ZMAT4: variants seen among roughly 807,000 people sequenced by gnomAD.
The protein encoded by ZMAT4 is zinc finger matrin-type protein 4.
ZMAT4 carries 17 observed loss-of-function variants against 28.7 expected under a neutral mutation model. That is an observed-to-expected ratio of 0.59 (90% CI 0.41 to 0.89). ZMAT4 has a LOEUF of 0.89. Among genes scored for constraint, ZMAT4 ranks in the 40% least tolerant of loss-of-function variants. The pLI, the probability that ZMAT4 is intolerant of heterozygous loss-of-function variation, is 0.00. For missense variants in ZMAT4, 240 were observed against 283.8 expected (o/e 0.85, Z 1.11); for synonymous variants, 117 against 109.2 (o/e 1.07, Z -0.44).
At chr8:40,868,099 T>C (rs1817734683) in intron 1 of ZMAT4, among the ~76,000 whole-genome samples, 1 of 152,174 alleles carries the variant, frequency 6.6e-6, no homozygotes, top group Non-Finnish European at 1.5e-5. Context: ...ATATATGATA[T>C]ATAAATAACA....
chr8:40,665,747 G>C (rs931686859), intron 5 of ZMAT4, among the ~76,000 whole-genome samples: 7 of 152,146 alleles, frequency 4.6e-5, no homozygotes, highest in African/African-American at 7.2e-5. Flanking sequence ...GGTGGTCAAT[G>C]ATGAATCACC....
chr8:40,537,152 G>T (rs912495210), intron 6 of ZMAT4, among the ~76,000 whole-genome samples: 2 of 152,124 alleles, frequency 1.3e-5, no homozygotes, highest in Non-Finnish European at 2.9e-5. Flanking sequence ...AAGATGAAGA[G>T]AGATCATTAA....
intron 1 of ZMAT4, among the ~76,000 whole-genome samples, chr8:40,862,902 T>C (rs1046592696): frequency 6.6e-6 from 1 of 151,730 alleles, no homozygotes; most frequent in African/African-American, 2.4e-5. Flanking sequence ...CACACTGTCA[T>C]GGCACATGTA....
chr8:40,580,255 G>A (rs184506697), intron 6 of ZMAT4, among the ~76,000 whole-genome samples: 5 of 151,812 alleles, frequency 3.3e-5, no homozygotes, highest in Non-Finnish European at 7.4e-5. Flanking sequence ...CTCCTGATCC[G>A]CCCACCTCAG....
intron 2 of ZMAT4, among the ~76,000 whole-genome samples, chr8:40,824,053 A>G (rs968487530): frequency 6.6e-6 from 1 of 152,112 alleles, no homozygotes; most frequent in African/African-American, 2.4e-5. Flanking sequence ...TGCAGGGCCC[A>G]TTGACTGTCT....
At chr8:40,655,946 T>C (rs990963921) in intron 5 of ZMAT4, among the ~76,000 whole-genome samples, 1 of 152,048 alleles carries the variant, frequency 6.6e-6, no homozygotes, top group Non-Finnish European at 1.5e-5. Context: ...ACAGAAAATA[T>C]ATAGAAATGG....
At chr8:40,536,048 T>C (rs950745448) in intron 6 of ZMAT4, among the ~76,000 whole-genome samples, 11 of 152,218 alleles carry the variant, frequency 7.2e-5, no homozygotes, top group African/African-American at 2.7e-4. Context: ...GTTCAGCCTA[T>C]TGCCTGAGAA....
At chr8:40,688,498 C>A (rs1809519124) in intron 4 of ZMAT4, among the ~76,000 whole-genome samples, 1 of 151,988 alleles carries the variant, frequency 6.6e-6, no homozygotes, top group Non-Finnish European at 1.5e-5. Flanking sequence ...ATAAAATAAA[C>A]TTTGTTGGGC....
chr8:40,738,507 A>G (rs1563447802), intron 3 of ZMAT4, among the ~76,000 whole-genome samples: 1 of 152,218 alleles, frequency 6.6e-6, no homozygotes, highest in African/African-American at 2.4e-5. Flanking sequence ...TCTGTGGATA[A>G]AATGAATCTT....
intron 2 of ZMAT4, among the ~76,000 whole-genome samples, chr8:40,793,564 G>A (rs1044069256): frequency 4.6e-5 from 7 of 152,180 alleles, no homozygotes; most frequent in Non-Finnish European, 7.3e-5. Context: ...TTTCCATTTG[G>A]GGGTGTTTCT....
intron 4 of ZMAT4, among the ~76,000 whole-genome samples, chr8:40,682,155 C>T (rs532291253): frequency 7.5e-4 from 114 of 152,208 alleles, no homozygotes; most frequent in African/African-American, 2.7e-3. Context: ...TATATACTCC[C>T]CCATGTAGAT....
intron 4 of ZMAT4, among the ~76,000 whole-genome samples, chr8:40,689,083 C>G (rs900176577): frequency 6.6e-6 from 1 of 152,136 alleles, no homozygotes; most frequent in South Asian, 2.1e-4. Context: ...TGGGACCTCC[C>G]TAGGAATGCC....
At chr8:40,590,626 T>C (rs1392300714) in intron 5 of ZMAT4, among the ~76,000 whole-genome samples, 4 of 152,142 alleles carry the variant, frequency 2.6e-5, no homozygotes, top group East Asian at 1.9e-4. Flanking sequence ...GTCCCTACTA[T>C]GGTCTCATCA....
chr8:40,665,650 A>C (rs1808381464), intron 5 of ZMAT4, among the ~76,000 whole-genome samples: 2 of 152,180 alleles, frequency 1.3e-5, no homozygotes, highest in Non-Finnish European at 2.9e-5. Flanking sequence ...TCTATACTTC[A>C]GTTCAAAGCA....
intron 3 of ZMAT4, among the ~76,000 whole-genome samples, chr8:40,712,969 GA>G (rs1810692319): frequency 6.6e-6 from 1 of 151,840 alleles, no homozygotes; most frequent in Non-Finnish European, 1.5e-5. Flanking sequence ...AAATGATTCT[GA>G]ATTTCTTCTT....
intron 5 of ZMAT4, among the ~76,000 whole-genome samples, chr8:40,653,490 A>C (rs547662287): frequency 6.6e-6 from 1 of 152,258 alleles, no homozygotes; most frequent in African/African-American, 2.4e-5. Context: ...TGAAAAGATC[A>C]ACAAAACTGA....
intron 4 of ZMAT4, among the ~76,000 whole-genome samples, chr8:40,689,493 G>C (rs1364114587): frequency 6.6e-6 from 1 of 152,174 alleles, no homozygotes; most frequent in African/African-American, 2.4e-5. Context: ...AAACCAATCT[G>C]AGCATTAAGT....
chr8:40,745,417 C>T (rs773859836), intron 3 of ZMAT4, among the ~76,000 whole-genome samples: 2 of 152,126 alleles, frequency 1.3e-5, no homozygotes, highest in African/African-American at 2.4e-5. Context: ...TCAGAACATC[C>T]TCCCCACACT....
chr8:40,673,634 T>C (rs913952593), intron 5 of ZMAT4, among the ~76,000 whole-genome samples: 2 of 152,182 alleles, frequency 1.3e-5, no homozygotes, highest in African/African-American at 4.8e-5. Flanking sequence ...AATATGCAAT[T>C]TTGCTGTACT....
Sources: allele counts gnomAD v4.1 joint callset (sites outside exome capture counted in the v4.1 genomes callset), GRCh38; gene constraint gnomAD v4.1.1; transcripts MANE v1.5; gene names NCBI Gene and HGNC (gene_info 2026-07-23, HGNC 2026-07-21).